HMGA2: variants seen among roughly 807,000 people sequenced by gnomAD.
The protein encoded by HMGA2 is high mobility group AT-hook 2, also known as high mobility group protein HMGI-C.
Under a neutral mutation model 19.1 loss-of-function variants are expected in HMGA2, and 8 were observed. The observed-to-expected ratio is 0.42, with a 90% confidence interval of 0.25 to 0.76. The LOEUF is 0.76. Among genes scored for constraint, HMGA2 ranks in the 30% least tolerant of loss-of-function variants. The probability of loss-of-function intolerance (pLI) is 0.28; values close to 1 mark genes in which losing one functional copy is unlikely to be tolerated. For missense variants in HMGA2, 109 were observed against 136.3 expected (o/e 0.80, Z 1.00); for synonymous variants, 60 against 48.8 (o/e 1.23, Z -0.96).
chr12:65,894,469 T>C (rs1159936522), intron 3 of HMGA2, among the ~76,000 whole-genome samples: 1 of 152,224 alleles, frequency 6.6e-6, no homozygotes, highest in Non-Finnish European at 1.5e-5. Context: ...TATTTTGTTT[T>C]GCGCTTAAAT....
intron 3 of HMGA2, among the ~76,000 whole-genome samples, chr12:65,855,448 T>TCACA (rs1272719138): frequency 7.8e-4 from 74 of 95,048 alleles, no homozygotes; most frequent in African/African-American, 3.5e-3. Context: ...TTTCTCTCTC[T>TCACA]CTCTCTCTCT....
chr12:65,933,154 A>G (rs77676063), intron 3 of HMGA2, among the ~76,000 whole-genome samples: 3,790 of 151,970 alleles, frequency 0.025, 158 homozygotes, highest in African/African-American at 0.085. Flanking sequence ...TATCTAGTAT[A>G]ATTTGAAGAT....
chr12:65,858,211 T>C (rs1243934740), intron 3 of HMGA2: 2 of 152,588 alleles, frequency 1.3e-5, no homozygotes, highest in Non-Finnish European at 2.9e-5. Flanking sequence ...TTTCCAATGG[T>C]GTGTACTAAT....
At position 65,918,253 on chromosome 12, in the gene HMGA2, AGTACCTGTCAGCATTTG is replaced by A. The variant is rs548677445; in HGVS notation, c.250-33129_250-33113del. On this transcript the variant is annotated intron_variant, in intron 3 of 4. Coordinates refer to ENST00000403681, the MANE Select transcript of HMGA2 (RefSeq NM_003483.6). ...CTCTTTTTGGTTTCATTTTCGTAAG[AGTACCTGTCAGCATTTG>A]CAGAAGAATTAAAGGCAGTGTCGTT... Among the ~76,000 whole-genome samples, 16 of 152,362 alleles carry A rather than the reference AGTACCTGTCAGCATTTG, an allele frequency of 1.1e-4. No individual in the cohort carries two copies. In the South Asian group the frequency reaches 3.1e-3, roughly 30 times the overall value.
At chr12:65,937,413 G>T (rs1875934775) in intron 3 of HMGA2, among the ~76,000 whole-genome samples, 1 of 152,170 alleles carries the variant, frequency 6.6e-6, no homozygotes, top group Non-Finnish European at 1.5e-5. Context: ...CCCAGGTTCT[G>T]CTCTTCTTCA....
chr12:65,849,374 C>T (rs149222791), intron 3 of HMGA2, among the ~76,000 whole-genome samples: 26 of 152,316 alleles, frequency 1.7e-4, no homozygotes, highest in African/African-American at 6.0e-4. Flanking sequence ...ATTCTTGGCA[C>T]TGGATGCACA....
chr12:65,871,998 GT>G (rs1872733152), intron 3 of HMGA2, among the ~76,000 whole-genome samples: 1 of 152,308 alleles, frequency 6.6e-6, no homozygotes, highest in Admixed American at 6.5e-5. Context: ...AGCAAAAGGT[GT>G]GACAGCCTGT....
At chr12:65,914,132 C>T (rs1024928509) in intron 3 of HMGA2, among the ~76,000 whole-genome samples, 7 of 152,078 alleles carry the variant, frequency 4.6e-5, no homozygotes, top group African/African-American at 1.7e-4. Context: ...ACCCAGCCAT[C>T]CCATTACTGG....
In HMGA2 at chr12:65,915,384, G is replaced by A. The variant is rs576064855; in HGVS notation, c.250-35999G>A. On this transcript the variant is annotated intron_variant, in intron 3 of 4. Coordinates refer to ENST00000403681, the MANE Select transcript of HMGA2 (RefSeq NM_003483.6). Reference sequence around the variant, plus strand: ...AAAAAAGTACTCACTCTAGGCACATGCAGAGCCATGCCTGCGGGGACAGCT... The same window carrying A: ...AAAAAAGTACTCACTCTAGGCACATACAGAGCCATGCCTGCGGGGACAGCT... 1.8e-5 allele frequency: 23 copies of A among 1,304,156 alleles called. 1 individual carries two copies. In the South Asian group the frequency reaches 3.4e-4, roughly 19 times the overall value. The allele number at this position is 1,304,156 out of a possible 1,614,324, so 80.8% of individuals were successfully genotyped here.
chr12:65,828,195 G>A, intron 2 of HMGA2, 108 bp downstream of exon 2: 2 of 803,570 alleles, frequency 2.5e-6, no homozygotes. Flanking sequence ...GTCCCAACTG[G>A]GTAACACAAG....
chr12:65,902,026 T>G (rs138238991), intron 3 of HMGA2, among the ~76,000 whole-genome samples: 1 of 152,308 alleles, frequency 6.6e-6, no homozygotes, highest in African/African-American at 2.4e-5. Context: ...TTGTAAAGAC[T>G]TTCCTTAGTT....
At position 65,825,628 on chromosome 12, in the gene HMGA2, G is replaced by T. The variant is rs1482289390; in HGVS notation, c.111+247G>T. On this transcript the variant is annotated intron_variant, in intron 1 of 4. Coordinates refer to ENST00000403681, the MANE Select transcript of HMGA2 (RefSeq NM_003483.6). The surrounding 1 kb of genome is among the most constrained non-coding windows in gnomAD (Gnocchi z 4.4). ...CCCGGGGAAGGCGGGAGGTGGGGTCGGGCGAAGCGCGTCCTCGGACTTTCG... is the reference window on the plus strand; with the variant it reads ...CCCGGGGAAGGCGGGAGGTGGGGTCTGGCGAAGCGCGTCCTCGGACTTTCG... 6.6e-6 allele frequency among the ~76,000 whole-genome samples: 1 copy of T among 151,720 alleles called. No individual in the cohort carries two copies. The highest frequency in any genetic ancestry group is 1.5e-5 in the Non-Finnish European group (1 of 67,866).
chr12:65,843,099 T>A (rs1408887342), intron 3 of HMGA2: 3 of 228,798 alleles, frequency 1.3e-5, no homozygotes, highest in Non-Finnish European at 2.6e-5. Context: ...TATTTCCCTA[T>A]ATGAATTAAT....
At position 65,867,482 on chromosome 12, in the gene HMGA2, G is replaced by T. The variant is rs1173312139; in HGVS notation, c.249+28913G>T. 5 of 455,114 alleles carry T rather than the reference G, an allele frequency of 1.1e-5. No homozygotes were observed. In the Admixed American group the frequency reaches 1.2e-4, roughly 11 times the overall value. The allele number at this position is 455,114 out of a possible 1,614,324, so 28.2% of individuals were successfully genotyped here. Reference sequence around the variant, plus strand: ...TTTTCCCTTAATGAGTGTTTATTATGTTTAAGCTACAGAACTAATTACTGT... The same window carrying T: ...TTTTCCCTTAATGAGTGTTTATTATTTTTAAGCTACAGAACTAATTACTGT... On this transcript the variant is annotated intron_variant, in intron 3 of 4. Transcript: ENST00000403681.
chr12:65,890,501 T>C (rs1873855304), intron 3 of HMGA2, among the ~76,000 whole-genome samples: 1 of 152,220 alleles, frequency 6.6e-6, no homozygotes, highest in Admixed American at 6.5e-5. Flanking sequence ...AATATATTTC[T>C]ATAACGTTGC....
At chr12:65,905,502 A>T (rs1234401839) in intron 3 of HMGA2, among the ~76,000 whole-genome samples, 1 of 152,204 alleles carries the variant, frequency 6.6e-6, no homozygotes, top group Non-Finnish European at 1.5e-5. Context: ...TAGGTTGAGG[A>T]ATAGAAAGAA....
intron 3 of HMGA2, among the ~76,000 whole-genome samples, chr12:65,848,708 T>G (rs1423134598): frequency 6.6e-6 from 1 of 150,970 alleles, no homozygotes; most frequent in African/African-American, 2.4e-5. Flanking sequence ...TACAAAAAAT[T>G]AGCCGGGCGC....
chr12:65,869,148 C>CT (rs1158176077), intron 3 of HMGA2, among the ~76,000 whole-genome samples: 2 of 152,080 alleles, frequency 1.3e-5, no homozygotes, highest in African/African-American at 4.8e-5. Flanking sequence ...TCATTGATTC[C>CT]TTTTTTTGGT....
chr12:65,862,295 A>ACG (rs1197928976), intron 3 of HMGA2, among the ~76,000 whole-genome samples: 3 of 151,096 alleles, frequency 2.0e-5, no homozygotes, highest in Non-Finnish European at 4.4e-5. Flanking sequence ...ACACACACAC[A>ACG]CACACACACA....
Sources: allele counts gnomAD v4.1 joint callset (sites outside exome capture counted in the v4.1 genomes callset), GRCh38; gene constraint gnomAD v4.1.1; non-coding constraint Gnocchi (gnomAD v3.1); transcripts MANE v1.5; gene names NCBI Gene and HGNC (gene_info 2026-07-23, HGNC 2026-07-21).